Variants in MCTP2 observed in about 807,000 individuals in gnomAD.
MCTP2 encodes the protein multiple C2 and transmembrane domain containing 2.
A neutral mutation model predicts 111.6 loss-of-function variants in MCTP2; 132 were observed. The ratio of observed to expected loss-of-function variants is 1.18; its 90% CI spans 1.03 to 1.37. The LOEUF is 1.37. Ranked by LOEUF, MCTP2 falls within the 40% of genes most tolerant of loss-of-function variation. The pLI is 0.00. For missense variants in MCTP2, 1,183 were observed against 1,067.9 expected (o/e 1.11, Z -1.50); for synonymous variants, 395 against 387.7 (o/e 1.02, Z -0.22).
chr15:94,394,942 A>G (rs1263968329), intron 14 of MCTP2, among the ~76,000 whole-genome samples: 2 of 152,148 alleles, frequency 1.3e-5, no homozygotes, highest in African/African-American at 4.8e-5. Context: ...AAAAGGAAGA[A>G]GTGAGGTAGA....
At chr15:94,321,555 C>G (rs997361981) in intron 4 of MCTP2, among the ~76,000 whole-genome samples, 2 of 152,200 alleles carry the variant, frequency 1.3e-5, no homozygotes, top group Non-Finnish European at 2.9e-5. Flanking sequence ...CAGTACAGAA[C>G]TCATTGCTGT....
At chr15:94,475,709 A>T (rs1466220405) in intron 21 of MCTP2, among the ~76,000 whole-genome samples, 1 of 152,190 alleles carries the variant, frequency 6.6e-6, no homozygotes, top group Non-Finnish European at 1.5e-5. Context: ...ACGGGTTGAC[A>T]TTTGGTGAAA....
intron 1 of MCTP2, among the ~76,000 whole-genome samples, chr15:94,233,213 G>T (rs1056177045): frequency 6.6e-6 from 1 of 151,988 alleles, no homozygotes; most frequent in Non-Finnish European, 1.5e-5. Context: ...GCACTTGTGT[G>T]GTCAAGCTGT....
chr15:94,392,580 C>T (rs910969255), intron 14 of MCTP2, among the ~76,000 whole-genome samples: 4 of 151,858 alleles, frequency 2.6e-5, no homozygotes, highest in Non-Finnish European at 2.9e-5. Flanking sequence ...TTTGGGAGGC[C>T]GAGCCAGGTG....
chr15:94,447,707 A>G (rs1195889081), intron 19 of MCTP2, among the ~76,000 whole-genome samples: 1 of 152,234 alleles, frequency 6.6e-6, no homozygotes, highest in Non-Finnish European at 1.5e-5. Context: ...TGTCTAAAAC[A>G]GTAAATTGGT....
chr15:94,438,585 A>G (rs1051808815), intron 17 of MCTP2, among the ~76,000 whole-genome samples: 4 of 152,134 alleles, frequency 2.6e-5, no homozygotes, highest in African/African-American at 9.7e-5. Context: ...TTTAAATGAA[A>G]AGGATAAAAC....
chr15:94,283,713 A>C (rs2074613477), intron 1 of MCTP2, among the ~76,000 whole-genome samples: 1 of 152,180 alleles, frequency 6.6e-6, no homozygotes, highest in Non-Finnish European at 1.5e-5. Flanking sequence ...ATCTGTTCAG[A>C]ATATGCCAGT....
At chr15:94,271,959 C>T (rs2073927910) in intron 1 of MCTP2, among the ~76,000 whole-genome samples, 1 of 152,196 alleles carries the variant, frequency 6.6e-6, no homozygotes, top group African/African-American at 2.4e-5. Context: ...ATACCTTTGC[C>T]TCCTACTATC....
chr15:94,313,758 A>G (rs943844086), intron 2 of MCTP2, among the ~76,000 whole-genome samples: 1 of 152,078 alleles, frequency 6.6e-6, no homozygotes, highest in African/African-American at 2.4e-5. Context: ...TTCTGAGGTC[A>G]TCTGTTCAGA....
chr15:94,322,938 G>A (rs538448201), intron 4 of MCTP2, among the ~76,000 whole-genome samples: 12 of 152,318 alleles, frequency 7.9e-5, no homozygotes, highest in Non-Finnish European at 1.5e-4. Context: ...CTTTGCCCAC[G>A]AGGAAACACA....
chr15:94,444,783 C>A (rs1596734888), intron 19 of MCTP2, among the ~76,000 whole-genome samples: 1 of 152,178 alleles, frequency 6.6e-6, no homozygotes, highest in Non-Finnish European at 1.5e-5. Context: ...AGGCAAAATT[C>A]TAAATATTTA....
chr15:94,345,196 T>G (rs760689185), intron 8 of MCTP2, 32 bp downstream of exon 8: 6 of 1,599,860 alleles, frequency 3.8e-6, no homozygotes, highest in African/African-American at 1.3e-5. Context: ...TTAGATCATT[T>G]GGTTAAAAAC....
intron 1 of MCTP2, among the ~76,000 whole-genome samples, chr15:94,283,487 G>A (rs140278199): frequency 6.6e-6 from 1 of 152,040 alleles, no homozygotes; most frequent in East Asian, 1.9e-4. Context: ...TAAATATCTG[G>A]GGGGGTTGTG....
chr15:94,454,503 C>T (rs1340785284), intron 19 of MCTP2, among the ~76,000 whole-genome samples: 1 of 152,030 alleles, frequency 6.6e-6, no homozygotes. Context: ...TGGCAGTATG[C>T]ACTTTCTCTT....
chr15:94,317,294 T>C (rs2076417238), intron 4 of MCTP2, among the ~76,000 whole-genome samples: 1 of 152,156 alleles, frequency 6.6e-6, no homozygotes, highest in African/African-American at 2.4e-5. Context: ...TTCCCCCATC[T>C]GTGGATGTTA....
chr15:94,343,459 A>G (rs1205875945), intron 7 of MCTP2: 1 of 152,126 alleles, frequency 6.6e-6, no homozygotes, highest in African/African-American at 2.4e-5. Flanking sequence ...TCTTTGAGGT[A>G]GCCTTTGTTG....
intron 4 of MCTP2, among the ~76,000 whole-genome samples, chr15:94,321,410 C>A (rs1184665847): frequency 6.6e-6 from 1 of 152,126 alleles, no homozygotes; most frequent in South Asian, 2.1e-4. Flanking sequence ...ACGTGTACCC[C>A]ATAAATATGT....
At chr15:94,240,306 C>A (rs2070853640) in intron 1 of MCTP2, among the ~76,000 whole-genome samples, 1 of 152,142 alleles carries the variant, frequency 6.6e-6, no homozygotes, top group Non-Finnish European at 1.5e-5. Context: ...AGAACTTGCA[C>A]AAGGTCACCC....
intron 1 of MCTP2, among the ~76,000 whole-genome samples, chr15:94,251,575 T>G (rs1183816373): frequency 6.6e-6 from 1 of 152,122 alleles, no homozygotes; most frequent in Non-Finnish European, 1.5e-5. Context: ...GTCAGGCTGG[T>G]GTCGAACTCC....
Sources: allele counts gnomAD v4.1 joint callset (sites outside exome capture counted in the v4.1 genomes callset), GRCh38; gene constraint gnomAD v4.1.1; transcripts MANE v1.5; gene names NCBI Gene and HGNC (gene_info 2026-07-23, HGNC 2026-07-21).